FAM111B: variants seen among roughly 807,000 people sequenced by gnomAD.
The protein encoded by FAM111B is serine protease FAM111B.
In FAM111B, 1 loss-of-function variant was observed where a neutral mutation model predicts 2.8. The observed-to-expected ratio is 0.36, with a 90% CI of 0.13 to 1.70. The LOEUF is 1.70. FAM111B is among the 40% of genes most tolerant of loss of function. The pLI is 0.35. For missense variants in FAM111B, 882 were observed against 878.9 expected (o/e 1.00, Z -0.04); for synonymous variants, 297 against 295.6 (o/e 1.00, Z -0.05).
chr11:59,120,093 C>T (rs904883480), intron 3 of FAM111B, among the ~76,000 whole-genome samples: 2 of 151,908 alleles, frequency 1.3e-5, no homozygotes, highest in Admixed American at 6.6e-5. Flanking sequence ...TATTATTTAC[C>T]TGGAAATAAA....
chr11:59,112,777 AT>A (rs1448927355), intron 3 of FAM111B, among the ~76,000 whole-genome samples: 1 of 152,194 alleles, frequency 6.6e-6, no homozygotes, highest in African/African-American at 2.4e-5. Context: ...ATGTGTTTAT[AT>A]CATCCACATA....
At position 59,125,119 on chromosome 11, in the gene FAM111B, C is replaced by T; in HGVS notation, c.1022C>T (p.Thr341Ile). ...TATATTAAAGATAAAACTCGCCAGA[C>T]AATTCCCAGGATTAGAAATTATTAC... Reference protein sequence around the residue: ...SHYIKDKTRQTIPRIRNYYFC... With the variant: ...SHYIKDKTRQIIPRIRNYYFC... Residue 341 changes from threonine to isoleucine, a missense_variant, in exon 4 of 4, where the codon ACA becomes ATA. Transcript: ENST00000343597. The T allele has an allele frequency of 1.2e-6, 2 of 1,613,868 alleles. No homozygotes were observed. Among genetic ancestry groups the T allele is most frequent in the Non-Finnish European group, 8.5e-7 (1 of 1,179,826 alleles).
At chr11:59,111,188 A>T (rs150256142) in intron 3 of FAM111B, among the ~76,000 whole-genome samples, 56 of 152,284 alleles carry the variant, frequency 3.7e-4, no homozygotes, top group Middle Eastern at 3.4e-3. Flanking sequence ...TTTCCTGAGG[A>T]AACTTCTCTT....
chr11:59,108,396 T>C (rs1179378329), intron 1 of FAM111B, among the ~76,000 whole-genome samples: 1 of 152,218 alleles, frequency 6.6e-6, no homozygotes, highest in East Asian at 1.9e-4. Context: ...CAGAGTTCCC[T>C]CTCTGTGCAG....
Position 59,121,941 on chromosome 11 carries a change from A to C in FAM111B, c.82-2238A>C, listed in dbSNP as rs185512009. Among the ~76,000 whole-genome samples the C allele has an allele frequency of 4.0e-3, 605 of 152,192 alleles. 5 individuals are homozygous for C. Among genetic ancestry groups the C allele is most frequent in the African/African-American group, 0.014 (575 of 41,520 alleles). ...AGGTGGATCATGAGGTCAGGAGTTG[A>C]AGACCAGCCTGGCCAAAATGGTGAA... On this transcript the variant is annotated intron_variant, in intron 3 of 3. Coordinates refer to ENST00000343597, the MANE Select transcript of FAM111B (RefSeq NM_198947.4).
chr11:59,121,024 C>T (rs747343951), intron 3 of FAM111B, among the ~76,000 whole-genome samples: 1 of 148,118 alleles, frequency 6.8e-6, no homozygotes. Context: ...AAAAATAATT[C>T]CAGATTAAAA....
chr11:59,112,479 G>A (rs1289832980), intron 3 of FAM111B, among the ~76,000 whole-genome samples: 1 of 152,188 alleles, frequency 6.6e-6, no homozygotes, highest in Non-Finnish European at 1.5e-5. Context: ...TTGCCTGCAG[G>A]TTTTTGTATG....
intron 1 of FAM111B, 143 bp from the exon 2 acceptor site, chr11:59,108,524 TG>T (rs772462426): frequency 5.6e-6 from 1 of 179,828 alleles, no homozygotes. Context: ...CACACTGGCC[TG>T]GAATTCCTCA....
In FAM111B at chr11:59,126,057, G is replaced by A; in HGVS notation, c.1960G>A (p.Val654Met). 6.2e-7 allele frequency: 1 copy of A among 1,613,804 alleles called. No homozygotes were observed. The highest frequency in any genetic ancestry group is 2.2e-5 in the East Asian group (1 of 44,884). ...CFSDGSSGSPVFNASGKLVAL... is the reference protein window; with the variant it reads ...CFSDGSSGSPMFNASGKLVAL... ...CTCTGATGGGTCCTCAGGCTCCCCAGTGTTTAATGCATCTGGCAAATTGGT... is the reference window on the plus strand; with the variant it reads ...CTCTGATGGGTCCTCAGGCTCCCCAATGTTTAATGCATCTGGCAAATTGGT... The change falls in exon 4 of 4, where the codon GTG (valine) becomes ATG (methionine). Residue 654 changes from valine to methionine, a missense_variant. Coordinates refer to ENST00000343597, the MANE Select transcript of FAM111B (RefSeq NM_198947.4).
intron 2 of FAM111B, among the ~76,000 whole-genome samples, chr11:59,108,922 G>T (rs1164919219): frequency 1.3e-5 from 2 of 151,996 alleles, no homozygotes; most frequent in African/African-American, 4.8e-5. Flanking sequence ...CTTGAGCTTT[G>T]TTCTAGTATG....
chr11:59,121,294 A>G (rs1307195902), intron 3 of FAM111B, among the ~76,000 whole-genome samples: 1 of 152,220 alleles, frequency 6.6e-6, no homozygotes, highest in African/African-American at 2.4e-5. Flanking sequence ...ATCCAGTATA[A>G]AAATGAACAA....
intron 3 of FAM111B, among the ~76,000 whole-genome samples, chr11:59,115,372 C>A (rs897072207): frequency 1.3e-5 from 2 of 152,192 alleles, no homozygotes; most frequent in African/African-American, 4.8e-5. Flanking sequence ...CTGCAGGTCC[C>A]ACCCTGTCAT....
At position 59,126,296 on chromosome 11, in the gene FAM111B, A is replaced by G; in HGVS notation, c.2199A>G (p.Glu733=). ...AAGATCATCAGATTGAACCCATGGA[A>G]TGTTAGAAAAGAGATGCTGTCTTCA... ...SLQDHQIEPM[E]C Residue 733 remains glutamate (E), a synonymous_variant, in exon 4 of 4, where the codon GAA becomes GAG. Transcript: ENST00000343597. 6.6e-7 allele frequency: 1 copy of G among 1,520,202 alleles called. No homozygotes were observed. Among genetic ancestry groups the G allele is most frequent in the African/African-American group, 1.4e-5 (1 of 71,720 alleles). 94.2% of individuals were successfully genotyped at this position (1,520,202 alleles called of 1,614,324 possible).
Position 59,125,263 on chromosome 11 carries a change from A to G in FAM111B, c.1166A>G (p.Lys389Arg). Residue 389 changes from lysine (K) to arginine (R), a missense_variant, in exon 4 of 4, where the codon AAG becomes AGG. Transcript: ENST00000343597. ...DVQKEAINLL[K>R]NYQTLNEAIM... is the part of the protein sequence containing the mutation. ...CAAAAGGAGGCAATTAATCTCTTAA[A>G]GAATTATCAAACGTTGAATGAAGCC... is the stretch of plus-strand genomic sequence containing the variant. The G allele has an allele frequency of 6.2e-7, 1 of 1,613,954 alleles. No homozygotes were observed. The highest frequency in any genetic ancestry group is 8.5e-7 in the Non-Finnish European group (1 of 1,179,844).
chr11:59,109,569 C>T lies in FAM111B; in HGVS notation c.-57C>T. ...TTCAGGTGGCAGAATAAATTCAATC[C>T]TTGTTTCTCCATCTTATCGAGTAGT... On this transcript the variant is annotated 5_prime_UTR_variant, in exon 3 of 4. Transcript: ENST00000343597. 1.6e-6 allele frequency: 2 copies of T among 1,227,326 alleles called. No homozygotes were observed. Among genetic ancestry groups the T allele is most frequent in the Non-Finnish European group, 2.3e-6 (2 of 876,386 alleles). 76.0% of individuals were successfully genotyped at this position (1,227,326 alleles called of 1,614,324 possible). A position where few individuals can be genotyped will look rare whatever the true frequency, so the allele number is the denominator to read the frequency against.
intron 3 of FAM111B, among the ~76,000 whole-genome samples, chr11:59,115,751 G>T (rs1437129847): frequency 6.6e-6 from 1 of 152,156 alleles, no homozygotes; most frequent in African/African-American, 2.4e-5. Context: ...GCCCCTCCCT[G>T]GGTGGGGATT....
At chr11:59,122,340 C>T (rs1859936270) in intron 3 of FAM111B, among the ~76,000 whole-genome samples, 1 of 151,992 alleles carries the variant, frequency 6.6e-6, no homozygotes, top group Non-Finnish European at 1.5e-5. Flanking sequence ...TAGTGGTTGT[C>T]CATGAGAATG....
Position 59,124,768 on chromosome 11 carries a change from C to A in FAM111B, c.671C>A (p.Ala224Asp). The A allele has an allele frequency of 1.9e-6, 3 of 1,613,652 alleles. No homozygotes were observed. The highest frequency in any genetic ancestry group is 2.2e-5 in the East Asian group (1 of 44,864). ...YALKGETIEG[A>D]LCKDGRFRSD... is the part of the protein sequence containing the mutation. ...TTGAAGGGTGAGACTATTGAAGGAGCCTTATGCAAGGATGGCCGTTTTCGG... is the reference window on the plus strand; with the variant it reads ...TTGAAGGGTGAGACTATTGAAGGAGACTTATGCAAGGATGGCCGTTTTCGG... Residue 224 changes from alanine to aspartate, a missense_variant, in exon 4 of 4, where the codon GCC becomes GAC. By Grantham distance (126) the Ala-to-Asp change is moderately radical (BLOSUM62 -2). Coordinates refer to ENST00000343597, the MANE Select transcript of FAM111B (RefSeq NM_198947.4).
chr11:59,126,070 C>T lies in FAM111B; in HGVS notation c.1973C>T (p.Ser658Phe), dbSNP rs1455264506. The T allele has an allele frequency of 1.2e-6, 2 of 1,613,798 alleles. No individual in the cohort carries two copies. Among genetic ancestry groups the T allele is most frequent in the Admixed American group, 3.3e-5 (2 of 59,998 alleles). Residue 658 changes from serine to phenylalanine, a missense_variant, in exon 4 of 4, where the codon TCT becomes TTT. Transcript: ENST00000343597. ...GSSGSPVFNASGKLVALHTFG... is the reference protein window; with the variant it reads ...GSSGSPVFNAFGKLVALHTFG... Reference sequence around the variant, plus strand: ...TCAGGCTCCCCAGTGTTTAATGCATCTGGCAAATTGGTTGCTTTGCATACC... The same window carrying T: ...TCAGGCTCCCCAGTGTTTAATGCATTTGGCAAATTGGTTGCTTTGCATACC...
Sources: gnomAD v4.1 joint callset for allele counts (sites outside exome capture counted in the v4.1 genomes callset) on GRCh38, gnomAD v4.1.1 for gene constraint, MANE v1.5 for transcripts, NCBI Gene and HGNC (gene_info 2026-07-23, HGNC 2026-07-21) for gene names.